SEPTIN10: variants seen among roughly 807,000 people sequenced by gnomAD.
SEPTIN10 encodes the protein septin-10.
Under a neutral mutation model 54.8 loss-of-function variants are expected in SEPTIN10, and 66 were observed. The observed-to-expected ratio is 1.21, with a 90% CI of 0.99 to 1.48. The LOEUF (loss-of-function observed/expected upper bound fraction) is 1.48, where lower values mean the gene tolerates loss of function less well. SEPTIN10 is among the 40% of genes most tolerant of loss of function. The probability of loss-of-function intolerance (pLI) is 0.00; values close to 1 mark genes in which losing one functional copy is unlikely to be tolerated. For missense variants in SEPTIN10, 620 were observed against 545.6 expected (o/e 1.14, Z -1.36); for synonymous variants, 161 against 181.0 (o/e 0.89, Z 0.89).
intron 5 of SEPTIN10, among the ~76,000 whole-genome samples, chr2:109,571,816 G>A (rs1212233725): frequency 2.6e-5 from 4 of 152,292 alleles, no homozygotes; most frequent in African/African-American, 9.6e-5. Context: ...GACTGCCTCT[G>A]AACAAGTGCT....
intron 1 of SEPTIN10, among the ~76,000 whole-genome samples, chr2:109,599,886 A>G (rs1696236980): frequency 6.6e-6 from 1 of 152,232 alleles, no homozygotes; most frequent in African/African-American, 2.4e-5. Context: ...TTTCAGTAAC[A>G]CTGCAATGAA....
chr2:109,567,900 A>G lies in SEPTIN10; in HGVS notation c.677T>C (p.Met226Thr). 2.5e-6 allele frequency: 4 copies of G among 1,614,022 alleles called. No homozygotes were observed. The highest frequency in any genetic ancestry group is 3.4e-6 in the Non-Finnish European group (4 of 1,179,938). Residue 226 changes from methionine to threonine, a missense_variant, in exon 6 of 11, where the codon ATG becomes ACG. Met to Thr is a moderately conservative substitution (Grantham distance 81, BLOSUM62 -1). Transcript: ENST00000397712. ...TELQKFKIKL[M>T]SELVSNGVQI... The stretch of plus-strand genomic sequence containing the variant: ...GACGCCATTGCTGACCAATTCACTC[A>G]TGAGCTTGATCTTAAACTTCTGTAA...
At position 109,597,935 on chromosome 2, in the gene SEPTIN10, CAGGCCCCT is replaced by C. The variant is rs1489177703; in HGVS notation, c.31-4824_31-4817del. On this transcript the variant is annotated intron_variant, in intron 1 of 10. Transcript: ENST00000397712. ...TAAACTTCTGATGCTTCTTTTCCAA[CAGGCCCCT>C]AGGTAACAATTTTCCTTACCCTGCT... Among the ~76,000 whole-genome samples the C allele has an allele frequency of 3.3e-5, 5 of 152,308 alleles. No homozygotes were observed. The East Asian group carries it at 9.7e-4, about 29-fold the overall frequency.
intron 1 of SEPTIN10, among the ~76,000 whole-genome samples, chr2:109,593,325 T>A (rs1694525922): frequency 6.6e-6 from 1 of 152,040 alleles, no homozygotes; most frequent in African/African-American, 2.4e-5. Flanking sequence ...ACATATAATA[T>A]TCAACATATA....
chr2:109,586,320 C>T (rs1454523997), intron 2 of SEPTIN10, among the ~76,000 whole-genome samples: 1 of 152,168 alleles, frequency 6.6e-6, no homozygotes, highest in Non-Finnish European at 1.5e-5. Context: ...TTTTAAGTCA[C>T]TAGAGTGCAA....
intron 4 of SEPTIN10, among the ~76,000 whole-genome samples, chr2:109,574,977 G>T (rs1380758121): frequency 6.6e-6 from 1 of 152,200 alleles, no homozygotes; most frequent in East Asian, 1.9e-4. Flanking sequence ...GTTATATCCT[G>T]ATAAATCCAT....
At chr2:109,563,881 G>A (rs1219608254) in intron 8 of SEPTIN10, among the ~76,000 whole-genome samples, 3 of 152,150 alleles carry the variant, frequency 2.0e-5, no homozygotes, top group East Asian at 1.9e-4. Flanking sequence ...AAAGCTTTGC[G>A]AGGCTGAGGT....
chr2:109,546,290 C>T (rs1180246420), intron 9 of SEPTIN10, 53 bp from the exon 10 acceptor site: 7 of 1,242,994 alleles, frequency 5.6e-6, no homozygotes, highest in South Asian at 4.9e-5. Flanking sequence ...AGCAGAGGCA[C>T]GCTCTCCAGC....
chr2:109,598,609 G>C (rs1399361690), intron 1 of SEPTIN10, among the ~76,000 whole-genome samples: 4 of 151,754 alleles, frequency 2.6e-5, no homozygotes, highest in African/African-American at 9.7e-5. Context: ...TTGGGAGGCT[G>C]AGGCAGGTAG....
chr2:109,571,747 G>A (rs1573565540), intron 5 of SEPTIN10, among the ~76,000 whole-genome samples: 3 of 152,126 alleles, frequency 2.0e-5, no homozygotes, highest in Non-Finnish European at 4.4e-5. Flanking sequence ...GGGATGACTA[G>A]GAAGCATCTA....
intron 8 of SEPTIN10, among the ~76,000 whole-genome samples, chr2:109,562,429 A>C (rs1685910185): frequency 6.8e-6 from 1 of 147,732 alleles, no homozygotes; most frequent in Non-Finnish European, 1.5e-5. Context: ...CTCAACAGAG[A>C]CTCTACACAA....
chr2:109,544,166 T>C lies in SEPTIN10; in HGVS notation c.*143A>G. ...TATTGACCTTGTACTTGAAAGTACTTTTCCATAAATATCAGTAACTGTGGC... is the reference window on the plus strand; with the variant it reads ...TATTGACCTTGTACTTGAAAGTACTCTTCCATAAATATCAGTAACTGTGGC... On this transcript the variant is annotated 3_prime_UTR_variant, in exon 11 of 11. Transcript: ENST00000397712. 1 of 1,573,196 alleles carries C rather than the reference T, an allele frequency of 6.4e-7. No homozygotes were observed. The highest frequency in any genetic ancestry group is 8.6e-7 in the Non-Finnish European group (1 of 1,160,426).
rs765897906 is a variant in SEPTIN10, at chr2:109,574,702, A to C, written c.479T>G (p.Ile160Ser). 5.0e-6 allele frequency: 8 copies of C among 1,607,894 alleles called. No individual in the cohort carries two copies. In the Admixed American group the frequency reaches 1.4e-4, roughly 27 times the overall value. ...FEAYLQEELK[I>S]KRSLFTYHDS... ...ATGGTAGGTAAAGAGAGAACGCTTA[A>C]TCTTCAGTTCTTCTTGGAGATAGGC... The change falls in exon 5 of 11, where the codon ATT becomes AGT. Residue 160 changes from isoleucine (I) to serine (S), a missense_variant. Transcript: ENST00000397712.
At chr2:109,579,825 A>G (rs567353392) in intron 4 of SEPTIN10, among the ~76,000 whole-genome samples, 1 of 152,092 alleles carries the variant, frequency 6.6e-6, no homozygotes, top group African/African-American at 2.4e-5. Flanking sequence ...TTTAAAATAA[A>G]TAAATAAATA....
intron 9 of SEPTIN10, among the ~76,000 whole-genome samples, chr2:109,551,488 T>A (rs1166218172): frequency 6.6e-6 from 1 of 151,982 alleles, no homozygotes; most frequent in African/African-American, 2.4e-5. Flanking sequence ...AACAGAAAAA[T>A]CACCAAATAA....
At chr2:109,602,306 AATTAAG>A (rs56064353) in intron 1 of SEPTIN10, among the ~76,000 whole-genome samples, 26,094 of 152,058 alleles carry the variant, frequency 0.17, 2,524 homozygotes, top group African/African-American at 0.27. Context: ...AGGACAATAA[AATTAAG>A]ATTAAGACAA....
intron 1 of SEPTIN10, among the ~76,000 whole-genome samples, chr2:109,601,163 C>CT (rs1696518093): frequency 6.6e-6 from 1 of 152,218 alleles, no homozygotes; most frequent in Admixed American, 6.5e-5. Context: ...GCCCCTCTCC[C>CT]TTTCCTAGAG....
At chr2:109,566,519 T>G (rs1687074699) in intron 6 of SEPTIN10, among the ~76,000 whole-genome samples, 1 of 152,172 alleles carries the variant, frequency 6.6e-6, no homozygotes, top group Admixed American at 6.5e-5. Context: ...ATACAAAATG[T>G]ATATGTAACT....
In SEPTIN10 at chr2:109,575,860, T is replaced by C. The variant is rs116596683; in HGVS notation, c.414-1093A>G. 5.0e-3 allele frequency among the ~76,000 whole-genome samples: 763 copies of C among 152,310 alleles called. 6 individuals carry two copies. Among genetic ancestry groups the C allele is most frequent in the African/African-American group, 0.018 (730 of 41,572 alleles). On this transcript the variant is annotated intron_variant, in intron 4 of 10. Coordinates refer to ENST00000397712, the MANE Select transcript of SEPTIN10 (RefSeq NM_144710.5). Reference sequence around the variant, plus strand: ...TGCCCGACCTTTTAGTCCTTGAGGATCATCACCTCTTTTAAAATTATAGAA... The same window carrying C: ...TGCCCGACCTTTTAGTCCTTGAGGACCATCACCTCTTTTAAAATTATAGAA...
Sources: allele counts gnomAD v4.1 joint callset (sites outside exome capture counted in the v4.1 genomes callset), GRCh38; gene constraint gnomAD v4.1.1; transcripts MANE v1.5; gene names NCBI Gene and HGNC (gene_info 2026-07-23, HGNC 2026-07-21).